The following ADAMTS3 variants were observed in gnomAD, a reference collection of about 807,000 sequenced individuals.
The protein encoded by ADAMTS3 is A disintegrin and metalloproteinase with thrombospondin motifs 3.
ADAMTS3 carries 73 observed loss-of-function variants against 129.0 expected under a neutral mutation model. The ratio of observed to expected loss-of-function variants is 0.57; its 90% CI spans 0.47 to 0.69. The LOEUF (loss-of-function observed/expected upper bound fraction) is 0.69, where lower values mean the gene tolerates loss of function less well. Ranked by LOEUF, ADAMTS3 falls within the 30% of genes least tolerant of loss-of-function variation. The pLI is 0.00. For missense variants in ADAMTS3, 1,457 were observed against 1,514.5 expected, an observed-to-expected ratio of 0.96 and a Z score of 0.63; for synonymous variants, 477 against 510.8, an observed-to-expected ratio of 0.93 and a Z score of 0.89.
intron 20 of ADAMTS3, among the ~76,000 whole-genome samples, chr4:72,289,401 T>A (rs1718600693): frequency 6.6e-6 from 1 of 152,218 alleles, no homozygotes; most frequent in African/African-American, 2.4e-5. Context: ...TAATTCAACA[T>A]CCTTGGAACT....
At chr4:72,375,292 G>C (rs1721108353) in intron 4 of ADAMTS3, among the ~76,000 whole-genome samples, 1 of 152,134 alleles carries the variant, frequency 6.6e-6, no homozygotes, top group Non-Finnish European at 1.5e-5. Flanking sequence ...ATTGCCCCCA[G>C]GCCGCCAAAG....
At chr4:72,433,510 T>C (rs895175172) in intron 3 of ADAMTS3, among the ~76,000 whole-genome samples, 3 of 151,972 alleles carry the variant, frequency 2.0e-5, no homozygotes, top group African/African-American at 7.2e-5. Context: ...TAGCTACATT[T>C]GTTGATCTAA....
At chr4:72,312,244 G>C (rs1719258100) in intron 13 of ADAMTS3, 47 bp downstream of exon 13, 1 of 1,605,580 alleles carries the variant, frequency 6.2e-7, no homozygotes, top group Admixed American at 1.7e-5. Flanking sequence ...AGCTTAAACT[G>C]TGAGTAACCA....
intron 4 of ADAMTS3, 49 bp from the exon 5 acceptor site, chr4:72,339,742 T>A (rs1297670111): frequency 7.0e-7 from 1 of 1,438,004 alleles, no homozygotes; most frequent in African/African-American, 1.4e-5. Context: ...CTAACAGGCC[T>A]TCCAATCACT....
chr4:72,493,767 T>C (rs1441431906), intron 3 of ADAMTS3, among the ~76,000 whole-genome samples: 9 of 152,104 alleles, frequency 5.9e-5, no homozygotes, highest in Non-Finnish European at 1.2e-4. Context: ...AAAGTAAGTC[T>C]AGTGGTGACA....
chr4:72,320,978 C>T, intron 6 of ADAMTS3, 108 bp from the exon 7 acceptor site: 1 of 1,172,986 alleles, frequency 8.5e-7, no homozygotes, highest in Non-Finnish European at 1.2e-6. Flanking sequence ...AACAATGATT[C>T]AATAATATTT....
chr4:72,362,016 T>C (rs972222601), intron 4 of ADAMTS3, among the ~76,000 whole-genome samples: 12 of 152,008 alleles, frequency 7.9e-5, no homozygotes, highest in Non-Finnish European at 1.8e-4. Context: ...ATAAGTTATC[T>C]CCTCTCTTCC....
chr4:72,441,855 A>G (rs1344123831), intron 3 of ADAMTS3: 1 of 149,768 alleles, frequency 6.7e-6, no homozygotes, highest in Non-Finnish European at 1.5e-5. Context: ...CCTTGACAAG[A>G]AGTCCAGTAA....
At position 72,458,227 on chromosome 4, in the gene ADAMTS3, C is replaced by T. The variant is rs371331074; in HGVS notation, c.505-43256G>A. Among the ~76,000 whole-genome samples the T allele has an allele frequency of 1.5e-4, 23 of 151,722 alleles. No homozygotes were observed. In the South Asian group the frequency reaches 1.9e-3, roughly 12 times the overall value. On this transcript the variant is annotated intron_variant, in intron 3 of 21. Transcript: ENST00000286657. ...ACAGTATAGTACATGCATCACTGAA[C>T]TAACAGGTTTCAAATAGTAAGTTCA...
intron 3 of ADAMTS3, among the ~76,000 whole-genome samples, chr4:72,524,572 T>A (rs909574660): frequency 6.6e-6 from 1 of 152,074 alleles, no homozygotes; most frequent in Non-Finnish European, 1.5e-5. Context: ...GTTACTATTA[T>A]TATCACCATT....
chr4:72,359,956 A>G (rs1235508796), intron 4 of ADAMTS3, among the ~76,000 whole-genome samples: 7 of 152,072 alleles, frequency 4.6e-5, no homozygotes, highest in African/African-American at 1.7e-4. Flanking sequence ...CATTAGGGAT[A>G]ATTATTCAAA....
intron 3 of ADAMTS3, among the ~76,000 whole-genome samples, chr4:72,476,167 G>A (rs1287609295): frequency 6.6e-6 from 1 of 151,612 alleles, no homozygotes; most frequent in Non-Finnish European, 1.5e-5. Flanking sequence ...AATCAATAGA[G>A]AAAACCAATA....
At chr4:72,290,811 A>ATGCATG (rs1231295466) in intron 20 of ADAMTS3, 44 bp downstream of exon 20, 3 of 1,574,938 alleles carry the variant, frequency 1.9e-6, no homozygotes, top group Non-Finnish European at 2.6e-6. Context: ...ACACATGCTT[A>ATGCATG]CACACACACT....
chr4:72,378,884 T>C (rs1311399227), intron 4 of ADAMTS3, among the ~76,000 whole-genome samples: 3 of 152,170 alleles, frequency 2.0e-5, no homozygotes, highest in African/African-American at 7.2e-5. Context: ...CCTAAACTTT[T>C]TCTCTTTCAG....
chr4:72,296,820 T>C (rs1718821622), intron 18 of ADAMTS3, among the ~76,000 whole-genome samples: 1 of 152,120 alleles, frequency 6.6e-6, no homozygotes, highest in Non-Finnish European at 1.5e-5. Context: ...GCAATCCTTT[T>C]CCAGTCAAGG....
rs190624090 is a variant in ADAMTS3 at position 72,394,641 on chromosome 4, G to T, written c.661+20174C>A. On this transcript the variant is annotated intron_variant, in intron 4 of 21. Transcript: ENST00000286657. The stretch of plus-strand genomic sequence containing the variant: ...ATACAAAAGTATTCTACCGATTGAG[G>T]GGGGTGATGTATGTTTATTTTTTGC... 9.9e-5 allele frequency among the ~76,000 whole-genome samples: 15 copies of T among 152,282 alleles called. No homozygotes were observed. The East Asian group carries it at 2.7e-3, about 27-fold the overall frequency.
intron 2 of ADAMTS3, among the ~76,000 whole-genome samples, chr4:72,565,315 A>T (rs1275248137): frequency 2.6e-5 from 4 of 152,198 alleles, no homozygotes; most frequent in Admixed American, 6.5e-5. Flanking sequence ...TTTCTGATCA[A>T]ATAACACGTC....
intron 5 of ADAMTS3, among the ~76,000 whole-genome samples, chr4:72,335,762 A>G (rs1180123459): frequency 6.6e-6 from 1 of 152,150 alleles, no homozygotes; most frequent in Non-Finnish European, 1.5e-5. Context: ...ACCCAATAAT[A>G]ATTGTTAATT....
intron 3 of ADAMTS3, among the ~76,000 whole-genome samples, chr4:72,479,456 T>C (rs1486855656): frequency 5.9e-5 from 9 of 152,218 alleles, no homozygotes; most frequent in Admixed American, 1.3e-4. Flanking sequence ...GGATTCCCTA[T>C]TTAATAAATG....
Sources: allele counts gnomAD v4.1 joint callset (sites outside exome capture counted in the v4.1 genomes callset), GRCh38; gene constraint gnomAD v4.1.1; transcripts MANE v1.5; gene names NCBI Gene and HGNC (gene_info 2026-07-23, HGNC 2026-07-21).